The following CRISPLD2 variants were observed in gnomAD, a reference collection of about 807,000 sequenced individuals.
CRISPLD2 encodes cysteine rich secretory protein LCCL domain containing 2.
A neutral mutation model predicts 71.1 loss-of-function variants in CRISPLD2; 47 were observed. The ratio of observed to expected loss-of-function variants is 0.66; its 90% confidence interval spans 0.52 to 0.84. The LOEUF (loss-of-function observed/expected upper bound fraction) is 0.84, where lower values mean the gene tolerates loss of function less well. Among genes scored for constraint, CRISPLD2 ranks in the 40% least tolerant of loss-of-function variants. The probability of loss-of-function intolerance (pLI) is 0.00; values close to 1 mark genes in which losing one functional copy is unlikely to be tolerated. For synonymous variants in CRISPLD2, 317 were observed against 250.1 expected, an observed-to-expected ratio of 1.27 and a Z score of -2.52; for missense variants, 830 against 651.1, an observed-to-expected ratio of 1.27 and a Z score of -2.99.
chr16:84,851,299 C>G (rs1273052350), intron 5 of CRISPLD2, among the ~76,000 whole-genome samples: 1 of 152,250 alleles, frequency 6.6e-6, no homozygotes, highest in African/African-American at 2.4e-5. Flanking sequence ...CTATAGCATG[C>G]TCAGCTCATC....
chr16:84,832,878 G>A lies in CRISPLD2; in HGVS notation c.-74-5544G>A, dbSNP rs116878396. ...TCACTTCTGAGTGTTGAGTACGATG[G>A]CGCCCAAGAGATAACCATCAGGGAG... On this transcript the variant is annotated intron_variant, in intron 1 of 14. Coordinates refer to ENST00000262424, the MANE Select transcript of CRISPLD2 (RefSeq NM_031476.4). Among the ~76,000 whole-genome samples, 506 of 152,346 alleles carry A rather than the reference G, an allele frequency of 3.3e-3. 4 individuals are homozygous for A. The highest frequency in any genetic ancestry group is 0.02 in the Middle Eastern group (6 of 294).
intron 1 of CRISPLD2, among the ~76,000 whole-genome samples, chr16:84,824,158 G>T (rs1297501197): frequency 6.6e-6 from 1 of 152,152 alleles, no homozygotes; most frequent in Non-Finnish European, 1.5e-5. Flanking sequence ...CCAGGCAGAG[G>T]CACCGTGTGT....
At chr16:84,892,562 G>A (rs2071672045) in intron 14 of CRISPLD2, among the ~76,000 whole-genome samples, 1 of 152,132 alleles carries the variant, frequency 6.6e-6, no homozygotes, top group Non-Finnish European at 1.5e-5. Context: ...CACCAACGGT[G>A]GGTGCTCACT....
intron 2 of CRISPLD2, chr16:84,838,977 C>A (rs780461033): frequency 1.5e-6 from 1 of 656,090 alleles, no homozygotes. Context: ...AAACCTTAGA[C>A]TCCCGGGGTT....
intron 6 of CRISPLD2, among the ~76,000 whole-genome samples, chr16:84,856,505 A>G (rs796504927): frequency 1.3e-4 from 20 of 152,328 alleles, no homozygotes; most frequent in African/African-American, 4.1e-4. Context: ...CTAGGCCAGC[A>G]GAATGTAATG....
chr16:84,846,630 C>A (rs1452110849), intron 3 of CRISPLD2, among the ~76,000 whole-genome samples: 1 of 152,158 alleles, frequency 6.6e-6, no homozygotes, highest in Non-Finnish European at 1.5e-5. Context: ...CTGCTCTGTT[C>A]ATGGTGGGTC....
intron 1 of CRISPLD2, among the ~76,000 whole-genome samples, chr16:84,826,219 A>G (rs945843546): frequency 6.6e-6 from 1 of 152,242 alleles, no homozygotes; most frequent in African/African-American, 2.4e-5. Context: ...GTGACCAGAA[A>G]GAAGTCACGA....
intron 2 of CRISPLD2, chr16:84,839,251 G>A (rs561905215): frequency 1.7e-5 from 5 of 300,142 alleles, no homozygotes; most frequent in Admixed American, 9.6e-5. Flanking sequence ...AGCCTGCCTC[G>A]TTGCCTTCAT....
At chr16:84,828,623 G>T (rs1916413133) in intron 1 of CRISPLD2, among the ~76,000 whole-genome samples, 1 of 152,120 alleles carries the variant, frequency 6.6e-6, no homozygotes, top group African/African-American at 2.4e-5. Context: ...AAGGGAGAAA[G>T]GTGCCCCAGG....
intron 7 of CRISPLD2, among the ~76,000 whole-genome samples, chr16:84,868,000 G>T (rs1259459201): frequency 6.6e-6 from 1 of 152,210 alleles, no homozygotes; most frequent in Non-Finnish European, 1.5e-5. Context: ...CTCAGGCGGG[G>T]CTGGAGGGCT....
At chr16:84,899,625 A>G (rs900098357) in intron 14 of CRISPLD2, among the ~76,000 whole-genome samples, 1 of 152,176 alleles carries the variant, frequency 6.6e-6, no homozygotes, top group African/African-American at 2.4e-5. Flanking sequence ...CGGTGTCAGC[A>G]CATTCTTTGA....
chr16:84,833,723 G>A (rs1175781704), intron 1 of CRISPLD2, among the ~76,000 whole-genome samples: 1 of 152,220 alleles, frequency 6.6e-6, no homozygotes, highest in Non-Finnish European at 1.5e-5. Context: ...ACCGATGGTG[G>A]TGGGGGGGCG....
chr16:84,838,893 T>G (rs1478532381), intron 2 of CRISPLD2, 158 bp downstream of exon 2: 2 of 980,408 alleles, frequency 2.0e-6, no homozygotes, highest in Non-Finnish European at 3.1e-6. Flanking sequence ...TGTTCTGTTT[T>G]GTTTGTTTGT....
chr16:84,836,475 G>A (rs1170656895), intron 1 of CRISPLD2: 3 of 152,216 alleles, frequency 2.0e-5, no homozygotes, highest in Middle Eastern at 3.4e-3. Flanking sequence ...CCCCGGGCTC[G>A]GCTTTGGAGG....
chr16:84,837,403 A>G (rs1916647227), intron 1 of CRISPLD2, among the ~76,000 whole-genome samples: 1 of 148,612 alleles, frequency 6.7e-6, no homozygotes, highest in Admixed American at 6.7e-5. Flanking sequence ...CACCACACTA[A>G]GCCATAGCTT....
chr16:84,848,340 C>T (rs139048148), intron 3 of CRISPLD2, among the ~76,000 whole-genome samples: 89 of 152,320 alleles, frequency 5.8e-4, no homozygotes, highest in African/African-American at 2.0e-3. Flanking sequence ...GACCACATGG[C>T]CCTTAAAAAT....
intron 14 of CRISPLD2, among the ~76,000 whole-genome samples, chr16:84,891,209 G>A (rs185695343): frequency 3.3e-5 from 5 of 152,206 alleles, no homozygotes; most frequent in Non-Finnish European, 5.9e-5. Context: ...TTTGAGGGAC[G>A]TTCTTTAGAG....
intron 4 of CRISPLD2, 46 bp downstream of exon 4, chr16:84,849,563 AG>A: frequency 6.3e-7 from 1 of 1,591,912 alleles, no homozygotes; most frequent in Non-Finnish European, 8.6e-7. Context: ...CCCCAATCCC[AG>A]TCATTCACCC....
At chr16:84,825,842 CT>C (rs1296392951) in intron 1 of CRISPLD2, among the ~76,000 whole-genome samples, 1 of 151,682 alleles carries the variant, frequency 6.6e-6, no homozygotes, top group Non-Finnish European at 1.5e-5. Context: ...TAGGGCACAC[CT>C]GTAATTCCAG....
Sources: gnomAD v4.1 joint callset for allele counts (sites outside exome capture counted in the v4.1 genomes callset) on GRCh38, gnomAD v4.1.1 for gene constraint, MANE v1.5 for transcripts, NCBI Gene and HGNC (gene_info 2026-07-23, HGNC 2026-07-21) for gene names.